HTR1F: variants seen among roughly 807,000 people sequenced by gnomAD.
The protein encoded by HTR1F is 5-hydroxytryptamine receptor 1F.
Under a neutral mutation model 24.0 loss-of-function variants are expected in HTR1F, and 17 were observed. The observed-to-expected ratio is 0.71, with a 90% CI of 0.48 to 1.06. The LOEUF (loss-of-function observed/expected upper bound fraction) is 1.06. HTR1F is among the 50% of genes least tolerant of loss of function. The probability of loss-of-function intolerance (pLI) is 0.00; values close to 1 mark genes in which losing one functional copy is unlikely to be tolerated. For missense variants in HTR1F, 391 were observed against 427.8 expected (o/e 0.91, Z 0.76); for synonymous variants, 186 against 156.8 (o/e 1.19, Z -1.39).
chr3:87,965,086 ATAAATT>A (rs1230428346), intron 2 of HTR1F, among the ~76,000 whole-genome samples: 2 of 152,300 alleles, frequency 1.3e-5, no homozygotes, highest in Middle Eastern at 3.4e-3. Context: ...CTTTTTTAAA[ATAAATT>A]ATCCAGTCTC....
At position 87,993,558 on chromosome 3, in the gene HTR1F, G is replaced by A. The variant is rs1272872842; in HGVS notation, c.*1708G>A. The stretch of plus-strand genomic sequence containing the variant: ...AACACATGTCAAATACACAGCACTG[G>A]GGCAAGAAAAATGGAAGAGCACACT... On this transcript the variant is annotated 3_prime_UTR_variant, in exon 3 of 3. Transcript: ENST00000319595. 6.0e-6 allele frequency: 1 copy of A among 166,848 alleles called. No individual in the cohort carries two copies. The highest frequency in any genetic ancestry group is 1.5e-5 in the Non-Finnish European group (1 of 68,098). The allele number at this position is 166,848 out of a possible 1,614,324, so 10.3% of individuals were successfully genotyped here. A position where few individuals can be genotyped will look rare whatever the true frequency, so the allele number is the denominator to read the frequency against.
chr3:87,900,144 A>T (rs1229819516), intron 2 of HTR1F, among the ~76,000 whole-genome samples: 8 of 152,216 alleles, frequency 5.3e-5, no homozygotes, highest in Non-Finnish European at 1.2e-4. Context: ...AAGTAGTATT[A>T]ATATAAAGAA....
In HTR1F at chr3:87,881,538, C is replaced by G. The variant is rs144863489; in HGVS notation, c.-43+59414C>G. On this transcript the variant is annotated intron_variant, in intron 2 of 2. Coordinates refer to ENST00000319595, the MANE Select transcript of HTR1F (RefSeq NM_001322209.2). ...AAAAAAGGCAGCAGACAGAACAGAG[C>G]CCTCAGAAATAACTCCGCATATCTA... Among the ~76,000 whole-genome samples, 143 of 152,222 alleles carry G rather than the reference C, an allele frequency of 9.4e-4. 1 individual carries two copies. In the East Asian group the frequency reaches 0.027, roughly 29 times the overall value.
intron 2 of HTR1F, among the ~76,000 whole-genome samples, chr3:87,856,746 T>C (rs1705207082): frequency 6.6e-6 from 1 of 152,172 alleles, no homozygotes; most frequent in African/African-American, 2.4e-5. Context: ...TTCCTAAATG[T>C]ATGCCCATGT....
intron 1 of HTR1F, among the ~76,000 whole-genome samples, chr3:87,816,857 T>A (rs1282798304): frequency 6.6e-6 from 1 of 152,132 alleles, no homozygotes; most frequent in South Asian, 2.1e-4. Context: ...TTATTAGTAA[T>A]ACCATCTTGG....
In HTR1F at chr3:87,799,174, T is replaced by A. The variant is rs532441532; in HGVS notation, c.-160+6332T>A. Among the ~76,000 whole-genome samples the A allele has an allele frequency of 3.9e-5, 6 of 152,304 alleles. No homozygotes were observed. The East Asian group carries it at 9.7e-4, about 25-fold the overall frequency. On this transcript the variant is annotated intron_variant, in intron 1 of 2. Transcript: ENST00000319595. ...CAGGCTTTCTTATAAAAAAATTTCA[T>A]CAGCTACTGTAATTTCAGCAACACC...
chr3:87,991,199 A>G lies in HTR1F; in HGVS notation c.450A>G (p.Ile150Met). The G allele has an allele frequency of 3.7e-6, 6 of 1,613,992 alleles. No homozygotes were observed. The highest frequency in any genetic ancestry group is 5.1e-6 in the Non-Finnish European group (6 of 1,179,976). Reference sequence around the variant, plus strand: ...TTATGATTACAATAGTTTGGATTATATCTGTTTTTATCTCTATGCCTCCTC... The same window carrying G: ...TTATGATTACAATAGTTTGGATTATGTCTGTTTTTATCTCTATGCCTCCTC... ...AGIMITIVWI[I>M]SVFISMPPLF... The change falls in exon 3 of 3, where the codon ATA becomes ATG. Residue 150 changes from isoleucine (I) to methionine (M), a missense_variant. Coordinates refer to ENST00000319595, the MANE Select transcript of HTR1F (RefSeq NM_001322209.2).
At chr3:87,945,812 T>C (rs9869636) in intron 2 of HTR1F, among the ~76,000 whole-genome samples, 40,208 of 151,962 alleles carry the variant, frequency 0.26, 5,766 homozygotes, top group African/African-American at 0.37. Context: ...AGTGGTCAAA[T>C]ATTACTCACG....
At chr3:87,948,958 G>A (rs541080131) in intron 2 of HTR1F, among the ~76,000 whole-genome samples, 4 of 152,158 alleles carry the variant, frequency 2.6e-5, no homozygotes, top group Admixed American at 6.5e-5. Context: ...ATCTTATTCA[G>A]CAGTATATTT....
intron 2 of HTR1F, among the ~76,000 whole-genome samples, chr3:87,969,391 G>A (rs1271279683): frequency 1.3e-5 from 2 of 152,216 alleles, no homozygotes; most frequent in Non-Finnish European, 2.9e-5. Flanking sequence ...CAAGACCATG[G>A]GAACCCACCT....
At chr3:87,989,094 T>C (rs1452938966) in intron 2 of HTR1F, among the ~76,000 whole-genome samples, 2 of 152,170 alleles carry the variant, frequency 1.3e-5, no homozygotes, top group Non-Finnish European at 2.9e-5. Context: ...CCTAAAATAT[T>C]AGTAACTACT....
At chr3:87,877,561 T>C (rs544872269) in intron 2 of HTR1F, among the ~76,000 whole-genome samples, 28 of 152,296 alleles carry the variant, frequency 1.8e-4, no homozygotes, top group Admixed American at 3.3e-4. Context: ...TATAGCTTTA[T>C]ATCATATCAT....
At chr3:87,818,826 A>G (rs1704299952) in intron 1 of HTR1F, among the ~76,000 whole-genome samples, 1 of 152,158 alleles carries the variant, frequency 6.6e-6, no homozygotes, top group African/African-American at 2.4e-5. Flanking sequence ...CATTTGCCTC[A>G]TCCTAGTCCC....
At chr3:87,833,987 A>G (rs1317489749) in intron 2 of HTR1F, among the ~76,000 whole-genome samples, 2 of 152,180 alleles carry the variant, frequency 1.3e-5, no homozygotes, top group African/African-American at 4.8e-5. Context: ...TATCTTCAAA[A>G]ATATATAGAT....
intron 2 of HTR1F, among the ~76,000 whole-genome samples, chr3:87,864,008 A>G (rs1053654876): frequency 6.6e-6 from 1 of 152,158 alleles, no homozygotes; most frequent in African/African-American, 2.4e-5. Flanking sequence ...GCCACCTTCC[A>G]TCTTCAAAGC....
chr3:87,934,745 T>C (rs1704370419), intron 2 of HTR1F, among the ~76,000 whole-genome samples: 1 of 152,210 alleles, frequency 6.6e-6, no homozygotes, highest in South Asian at 2.1e-4. Flanking sequence ...CAATGCTGTA[T>C]CTCTTGTAAT....
At chr3:87,809,973 T>G (rs1704134404) in intron 1 of HTR1F, among the ~76,000 whole-genome samples, 2 of 152,092 alleles carry the variant, frequency 1.3e-5, no homozygotes, top group Non-Finnish European at 2.9e-5. Context: ...TTTTTTTCCT[T>G]TCAGTAGATG....
At chr3:87,839,152 G>A (rs1704747282) in intron 2 of HTR1F, among the ~76,000 whole-genome samples, 1 of 151,406 alleles carries the variant, frequency 6.6e-6, no homozygotes, top group African/African-American at 2.4e-5. Flanking sequence ...TCAATGTCAT[G>A]GAGCTTTTCT....
intron 2 of HTR1F, among the ~76,000 whole-genome samples, chr3:87,893,534 A>G (rs1706129146): frequency 6.6e-6 from 1 of 152,222 alleles, no homozygotes; most frequent in Non-Finnish European, 1.5e-5. Flanking sequence ...CCAAATTAAA[A>G]GACTGCTAGA....
Sources: allele counts gnomAD v4.1 joint callset (sites outside exome capture counted in the v4.1 genomes callset), GRCh38; gene constraint gnomAD v4.1.1; transcripts MANE v1.5; gene names NCBI Gene and HGNC (gene_info 2026-07-23, HGNC 2026-07-21).